The following ITGB1 variants were observed in gnomAD, a reference collection of about 807,000 sequenced individuals.
ITGB1 encodes integrin subunit beta 1, also known as integrin beta-1.
In ITGB1, 24 loss-of-function variants were observed where a neutral mutation model predicts 86.5. The ratio of observed to expected loss-of-function variants is 0.28; its 90% CI spans 0.20 to 0.39. The LOEUF is 0.39. ITGB1 is among the 10% of genes least tolerant of loss of function. The pLI is 1.00. For synonymous variants in ITGB1, 323 were observed against 316.8 expected (o/e 1.02, Z -0.21); for missense variants, 556 against 946.9 (o/e 0.59, Z 5.42).
intron 4 of ITGB1, 95 bp downstream of exon 4, chr10:32,929,727 C>T (rs535556079): frequency 2.7e-5 from 20 of 750,858 alleles, no homozygotes; most frequent in East Asian, 7.4e-5. Context: ...CATGTAAAAA[C>T]GAGCCTTCAA....
At chr10:32,906,800 TG>T (rs754287150) in intron 15 of ITGB1, among the ~76,000 whole-genome samples, 16 of 152,138 alleles carry the variant, frequency 1.1e-4, no homozygotes, top group Non-Finnish European at 2.2e-4. Flanking sequence ...ACTTACTAAG[TG>T]GAAGAGGTGG....
At chr10:32,903,161 G>A (rs2094886282) in intron 15 of ITGB1, among the ~76,000 whole-genome samples, 2 of 151,734 alleles carry the variant, frequency 1.3e-5, no homozygotes, top group Non-Finnish European at 2.9e-5. Context: ...AGATCAGCCT[G>A]GCCAACACGG....
chr10:32,935,855 A>T (rs1318152505), intron 1 of ITGB1: 2 of 243,106 alleles, frequency 8.2e-6, no homozygotes, highest in African/African-American at 4.5e-5. Flanking sequence ...GCTCAAAAAA[A>T]AAATCAGTGT....
chr10:32,955,940 G>A (rs1196608997), intron 1 of ITGB1, among the ~76,000 whole-genome samples: 2 of 152,136 alleles, frequency 1.3e-5, no homozygotes, highest in Admixed American at 6.5e-5. Context: ...TGTAGGTTTA[G>A]GTCTGAAGTC....
At position 32,937,542 on chromosome 10, in the gene ITGB1, G is replaced by A. The variant is rs56804395; in HGVS notation, c.1-1984C>T. Among the ~76,000 whole-genome samples the A allele has an allele frequency of 5.8e-3, 631 of 108,984 alleles. 12 individuals carry two copies. The highest frequency in any genetic ancestry group is 0.021 in the African/African-American group (598 of 27,892). The allele number at this position is 108,984 out of a possible 152,430, so 71.5% of individuals were successfully genotyped here. ...CTGTACTCTAGCCTGGCGAAAGAGC[G>A]AGACTCCGTCTCAAAAAAAAAAAAA... On this transcript the variant is annotated intron_variant, in intron 1 of 15. Transcript: ENST00000302278.
chr10:32,914,757 G>A (rs1024904085), intron 11 of ITGB1, among the ~76,000 whole-genome samples: 3 of 151,914 alleles, frequency 2.0e-5, no homozygotes, highest in South Asian at 2.1e-4. Flanking sequence ...ACAGACCAAC[G>A]AGACAGAAAG....
rs751433907 is a variant in ITGB1, at chr10:32,928,253, T to G, written c.388A>C (p.Thr130Pro). 3 of 873,252 alleles carry G rather than the reference T, an allele frequency of 3.4e-6. No homozygotes were observed. The South Asian group carries it at 4.1e-5, about 12-fold the overall frequency. The allele number at this position is 873,252 out of a possible 1,614,324, so 54.1% of individuals were successfully genotyped here. A position where few individuals can be genotyped will look rare whatever the true frequency, so the allele number is the denominator to read the frequency against. ...GCTCTCTTGAATTTTAATGTAAATGTCTGTGGCTCCCCTAATTAGACAAGA... is the reference window on the plus strand; with the variant it reads ...GCTCTCTTGAATTTTAATGTAAATGGCTGTGGCTCCCCTAATTAGACAAGA... ...VLRLRSGEPQTFTLKFKRAED... is the reference protein window; with the variant it reads ...VLRLRSGEPQPFTLKFKRAED... The change falls in exon 5 of 16, where the codon ACA becomes CCA. Residue 130 changes from threonine to proline, a missense_variant. Physicochemically the swap from Thr to Pro is conservative, Grantham distance 38. Around this residue, in one of 4 missense-constraint regions of ITGB1, gnomAD observed 183 missense variants for 263.9 expected, o/e 0.69. Coordinates refer to ENST00000302278, the MANE Select transcript of ITGB1 (RefSeq NM_002211.4).
At chr10:32,919,829 G>T in intron 11 of ITGB1, 56 bp downstream of exon 11, 2 of 1,478,242 alleles carry the variant, frequency 1.4e-6, no homozygotes, top group Non-Finnish European at 1.9e-6. Flanking sequence ...AATATGACCT[G>T]CCTATACTCT....
chr10:32,926,277 A>C (rs368837778), intron 5 of ITGB1, among the ~76,000 whole-genome samples, 168 bp from the exon 6 acceptor site: 60 of 152,152 alleles, frequency 3.9e-4, no homozygotes, highest in African/African-American at 1.4e-3. Flanking sequence ...TCCCAACATG[A>C]TGGTATTAGG....
intron 1 of ITGB1, chr10:32,936,293 C>T (rs939301262): frequency 1.3e-5 from 2 of 151,932 alleles, no homozygotes; most frequent in African/African-American, 2.4e-5. Context: ...CAGGCATCGT[C>T]GTGGGTGCCT....
chr10:32,948,986 A>C (rs2095037588), intron 1 of ITGB1, among the ~76,000 whole-genome samples: 1 of 151,558 alleles, frequency 6.6e-6, no homozygotes, highest in Non-Finnish European at 1.5e-5. Context: ...AAAAAAAAAG[A>C]CTGACTTCTC....
chr10:32,944,965 A>T (rs1394727611), intron 1 of ITGB1: 1 of 1,088,778 alleles, frequency 9.2e-7, no homozygotes, highest in Admixed American at 1.8e-5. Flanking sequence ...TACAAACTAA[A>T]GTTCCACAAA....
chr10:32,917,670 G>A (rs767075233), intron 11 of ITGB1, among the ~76,000 whole-genome samples: 1 of 152,102 alleles, frequency 6.6e-6, no homozygotes, highest in South Asian at 2.1e-4. Context: ...TTAGAATGGC[G>A]ATCATTAAAA....
intron 1 of ITGB1, among the ~76,000 whole-genome samples, chr10:32,948,212 C>G (rs1174506330): frequency 3.3e-5 from 5 of 152,086 alleles, no homozygotes; most frequent in Non-Finnish European, 7.4e-5. Context: ...GATTCCACAT[C>G]CAAGTAGAAT....
chr10:32,913,914 G>C (rs2094922573), intron 11 of ITGB1, among the ~76,000 whole-genome samples: 1 of 152,124 alleles, frequency 6.6e-6, no homozygotes, highest in Admixed American at 6.6e-5. Context: ...GGCAGCCAGA[G>C]AGAAAGGTTG....
At chr10:32,926,131 A>G (rs2094963741) in intron 5 of ITGB1, 22 bp from the exon 6 acceptor site, 1 of 1,494,704 alleles carries the variant, frequency 6.7e-7, no homozygotes, top group Non-Finnish European at 9.3e-7. Flanking sequence ...AAAATGGTAC[A>G]TAAATGAATG....
intron 1 of ITGB1, among the ~76,000 whole-genome samples, chr10:32,945,337 T>A (rs112691539): frequency 4.6e-5 from 7 of 152,208 alleles, no homozygotes; most frequent in African/African-American, 1.7e-4. Flanking sequence ...CAGTGGCTCA[T>A]GCCTGTAATC....
chr10:32,919,650 T>A (rs567901255), intron 11 of ITGB1, among the ~76,000 whole-genome samples: 1 of 152,294 alleles, frequency 6.6e-6, no homozygotes, highest in East Asian at 1.9e-4. Context: ...ACTTCTTTCA[T>A]GGCTATAAAA....
At chr10:32,922,394 A>G in intron 8 of ITGB1, 48 bp from the exon 9 acceptor site, 1 of 1,280,472 alleles carries the variant, frequency 7.8e-7, no homozygotes, top group Non-Finnish European at 1.1e-6. Context: ...TATTCATTCA[A>G]CCAATTAGGA....
Sources: gnomAD v4.1 joint callset for allele counts (sites outside exome capture counted in the v4.1 genomes callset) on GRCh38, gnomAD v4.1.1 for gene constraint, gnomAD v4.1.1 regional missense constraint, MANE v1.5 for transcripts, NCBI Gene and HGNC (gene_info 2026-07-23, HGNC 2026-07-21) for gene names.